The following PAPOLA variants were observed in gnomAD, a reference collection of about 807,000 sequenced individuals.
PAPOLA encodes the protein polynucleotide adenylyltransferase alpha.
A neutral mutation model predicts 100.6 loss-of-function variants in PAPOLA; 15 were observed. The ratio of observed to expected loss-of-function variants is 0.15; its 90% CI spans 0.10 to 0.23. PAPOLA has a LOEUF of 0.23. Among genes scored for constraint, PAPOLA ranks in the 10% least tolerant of loss-of-function variants. The probability of loss-of-function intolerance (pLI) is 1.00; values close to 1 mark genes in which losing one functional copy is unlikely to be tolerated. For missense variants in PAPOLA, 533 were observed against 884.2 expected (o/e 0.60, Z 5.04); for synonymous variants, 293 against 300.0 (o/e 0.98, Z 0.24).
At chr14:96,556,491 A>G (rs1901347376) in intron 19 of PAPOLA, 78 bp downstream of exon 19, 1 of 945,180 alleles carries the variant, frequency 1.1e-6, no homozygotes, top group African/African-American at 1.6e-5. Context: ...AGAAAAGTTT[A>G]TGAACCAAAA....
chr14:96,518,358 G>A (rs1468941176), intron 1 of PAPOLA, among the ~76,000 whole-genome samples: 1 of 151,616 alleles, frequency 6.6e-6, no homozygotes, highest in African/African-American at 2.4e-5. Context: ...TTCAGTAAAT[G>A]TATCATAAGC....
intron 17 of PAPOLA, 132 bp from the exon 18 acceptor site, chr14:96,555,715 T>C: frequency 2.1e-6 from 1 of 472,758 alleles, no homozygotes; most frequent in Non-Finnish European, 3.7e-6. Flanking sequence ...CTAAATTGTA[T>C]GTATAGGAAG....
chr14:96,559,550 C>CCTCTCTCTCTCT (rs66829530), intron 19 of PAPOLA, among the ~76,000 whole-genome samples: 206 of 118,454 alleles, frequency 1.7e-3, no homozygotes, highest in Non-Finnish European at 2.3e-3. Context: ...GCTAAATTAA[C>CCTCTCTCTCTCT]CTCTCTCTCT....
chr14:96,562,784 T>A, intron 20 of PAPOLA, 35 bp from the exon 21 acceptor site: 1 of 1,326,132 alleles, frequency 7.5e-7, no homozygotes, highest in Non-Finnish European at 1.1e-6. Context: ...TTTTTAAGTC[T>A]CTTTTCCCCC....
chr14:96,520,533 G>A (rs1172455763), intron 2 of PAPOLA, among the ~76,000 whole-genome samples: 3 of 151,944 alleles, frequency 2.0e-5, no homozygotes, highest in South Asian at 2.1e-4. Flanking sequence ...CCGCCACCAC[G>A]CCCGGCTAAT....
chr14:96,552,799 T>C (rs1900954571), intron 17 of PAPOLA, 177 bp downstream of exon 17: 1 of 581,050 alleles, frequency 1.7e-6, no homozygotes, highest in South Asian at 2.3e-5. Context: ...GGTTTTGTCT[T>C]GTCATACTTA....
At chr14:96,546,336 T>A (rs1282727479) in intron 15 of PAPOLA, among the ~76,000 whole-genome samples, 1 of 152,136 alleles carries the variant, frequency 6.6e-6, no homozygotes, top group African/African-American at 2.4e-5. Context: ...GCCAAAACTT[T>A]CTCTTTTGCC....
chr14:96,555,968 A>T, intron 18 of PAPOLA, 21 bp downstream of exon 18: 1 of 1,470,542 alleles, frequency 6.8e-7, no homozygotes, highest in East Asian at 2.3e-5. Context: ...TGGGTTTGTC[A>T]GGTTTGAGAA....
At chr14:96,536,040 T>C in intron 11 of PAPOLA, 41 bp downstream of exon 11, 1 of 1,482,106 alleles carries the variant, frequency 6.7e-7, no homozygotes. Flanking sequence ...ACAGGAAGGA[T>C]TTACGTACCA....
chr14:96,531,419 G>A (rs1899006579), intron 6 of PAPOLA, 56 bp from the exon 7 acceptor site: 1 of 1,338,892 alleles, frequency 7.5e-7, no homozygotes, highest in African/African-American at 1.5e-5. Context: ...TTTTTTCATA[G>A]AAATGCCTTA....
At chr14:96,507,203 G>T (rs903616798) in intron 1 of PAPOLA, among the ~76,000 whole-genome samples, 5 of 151,228 alleles carry the variant, frequency 3.3e-5, no homozygotes, top group Non-Finnish European at 7.4e-5. Flanking sequence ...AGCCATCTTT[G>T]GTTTAGCCAG....
At chr14:96,550,983 T>C (rs1489303918) in intron 16 of PAPOLA, among the ~76,000 whole-genome samples, 1 of 152,196 alleles carries the variant, frequency 6.6e-6, no homozygotes, top group Non-Finnish European at 1.5e-5. Context: ...CCCTGGGTTA[T>C]GTAGTATGAG....
At chr14:96,549,249 A>ATTT (rs764364872) in intron 16 of PAPOLA, among the ~76,000 whole-genome samples, 1 of 140,128 alleles carries the variant, frequency 7.1e-6, no homozygotes. Flanking sequence ...TGTTATTCTA[A>ATTT]TTTTTTTTTT....
At chr14:96,523,803 C>T (rs774577866) in intron 3 of PAPOLA, among the ~76,000 whole-genome samples, 7 of 152,130 alleles carry the variant, frequency 4.6e-5, no homozygotes, top group East Asian at 3.9e-4. Flanking sequence ...ATTAGCTGGG[C>T]GTGGTAGTGC....
chr14:96,548,032 C>T, intron 16 of PAPOLA, 114 bp downstream of exon 16: 1 of 902,584 alleles, frequency 1.1e-6, no homozygotes, highest in Non-Finnish European at 1.7e-6. Context: ...TAGATGACAG[C>T]TTTTTAAAAA....
intron 17 of PAPOLA, among the ~76,000 whole-genome samples, chr14:96,555,044 G>T (rs1901188371): frequency 6.6e-6 from 1 of 151,800 alleles, no homozygotes; most frequent in East Asian, 1.9e-4. Context: ...GAGTAAAGAG[G>T]GTTTAAAATA....
intron 4 of PAPOLA, among the ~76,000 whole-genome samples, chr14:96,525,656 C>T (rs917598518): frequency 2.6e-5 from 4 of 152,106 alleles, no homozygotes; most frequent in Non-Finnish European, 1.5e-5. Context: ...GAGGCCGAGG[C>T]AGGTGGATTG....
At chr14:96,556,883 TG>T (rs1901386671) in intron 19 of PAPOLA, among the ~76,000 whole-genome samples, 1 of 152,202 alleles carries the variant, frequency 6.6e-6, no homozygotes, top group Non-Finnish European at 1.5e-5. Flanking sequence ...GATAAGTGCA[TG>T]CAGCCAGATT....
rs544618347 is a variant in PAPOLA, at chr14:96,567,097, A to T, written c.*2047A>T. 2 of 152,664 alleles carry T rather than the reference A, an allele frequency of 1.3e-5. No individual in the cohort carries two copies. The highest frequency in any genetic ancestry group is 4.8e-5 in the African/African-American group (2 of 41,544). The allele number at this position is 152,664 out of a possible 1,614,324, so 9.5% of individuals were successfully genotyped here. A position where few individuals can be genotyped will look rare whatever the true frequency, so the allele number is the denominator to read the frequency against. On this transcript the variant is annotated 3_prime_UTR_variant, in exon 22 of 22. Transcript: ENST00000216277. ...ATTTCTCCATTGAAAACACAATAAAAAAAAAACAGCACAATCTCACAGTTG... is the reference window on the plus strand; with the variant it reads ...ATTTCTCCATTGAAAACACAATAAATAAAAAACAGCACAATCTCACAGTTG...
Sources: gnomAD v4.1 joint callset for allele counts (sites outside exome capture counted in the v4.1 genomes callset) on GRCh38, gnomAD v4.1.1 for gene constraint, MANE v1.5 for transcripts, NCBI Gene and HGNC (gene_info 2026-07-23, HGNC 2026-07-21) for gene names.